SEMA3A: variants seen among roughly 807,000 people sequenced by gnomAD.
SEMA3A encodes the protein semaphorin-3A.
A neutral mutation model predicts 97.9 loss-of-function variants in SEMA3A; 29 were observed. The ratio of observed to expected loss-of-function variants is 0.30; its 90% CI spans 0.22 to 0.40. The LOEUF is 0.40. SEMA3A is among the 10% of genes least tolerant of loss of function. The probability of loss-of-function intolerance (pLI) is 1.00; values close to 1 mark genes in which losing one functional copy is unlikely to be tolerated. For synonymous variants in SEMA3A, 321 were observed against 323.7 expected (o/e 0.99, Z 0.09); for missense variants, 763 against 951.3 (o/e 0.80, Z 2.60).
At chr7:84,203,546 T>TTTTTTTTTTTC (rs1554345526) in intron 3 of SEMA3A, among the ~76,000 whole-genome samples, 1 of 131,522 alleles carries the variant, frequency 7.6e-6, no homozygotes, top group African/African-American at 2.8e-5. Flanking sequence ...TTTTTTTTTT[T>TTTTTTTTTTTC]CTGAGATAGA....
chr7:84,423,913 C>G (rs534659417), intron 1 of SEMA3A, among the ~76,000 whole-genome samples: 182 of 151,972 alleles, frequency 1.2e-3, no homozygotes, highest in African/African-American at 4.2e-3. Context: ...CACTAATTAT[C>G]AGGGGAATGC....
intron 3 of SEMA3A, among the ~76,000 whole-genome samples, chr7:84,249,416 T>TATCTATCTATCTATCA (rs1169332667): frequency 6.6e-6 from 1 of 150,888 alleles, no homozygotes; most frequent in Admixed American, 6.6e-5. Context: ...TCTATCTATC[T>TATCTATCTATCTATCA]ATCATCTACA....
At chr7:84,106,525 G>A (rs1451414723) in intron 4 of SEMA3A, among the ~76,000 whole-genome samples, 4 of 152,094 alleles carry the variant, frequency 2.6e-5, no homozygotes, top group African/African-American at 4.8e-5. Flanking sequence ...GTTAAACAAC[G>A]CATGACTGTA....
At chr7:84,077,575 C>A (rs950101273) in intron 4 of SEMA3A, among the ~76,000 whole-genome samples, 17 of 151,874 alleles carry the variant, frequency 1.1e-4, no homozygotes, top group Admixed American at 9.8e-4. Flanking sequence ...TTATTTATAC[C>A]AAACTTTGTT....
rs1257142892 is a variant in SEMA3A at position 83,959,953 on chromosome 7, A to G, written c.*1418T>C. The stretch of plus-strand genomic sequence containing the variant: ...TGTTGCAGGAAACAAAGAATTTTAC[A>G]TTGTTTAAATGTGGGTTGCATCCTG... On this transcript the variant is annotated 3_prime_UTR_variant, in exon 17 of 17. Coordinates refer to ENST00000265362, the MANE Select transcript of SEMA3A (RefSeq NM_006080.3). The G allele has an allele frequency of 1.3e-5, 2 of 152,078 alleles. No individual in the cohort carries two copies. The highest frequency in any genetic ancestry group is 2.4e-5 in the African/African-American group (1 of 41,448). 9.4% of individuals were successfully genotyped at this position (152,078 alleles called of 1,614,324 possible). A position where few individuals can be genotyped will look rare whatever the true frequency, so the allele number is the denominator to read the frequency against.
chr7:84,062,251 T>C (rs1422810525), intron 4 of SEMA3A, among the ~76,000 whole-genome samples: 8 of 152,216 alleles, frequency 5.3e-5, no homozygotes, highest in African/African-American at 9.6e-5. Flanking sequence ...GAGATGTTTA[T>C]ATACATCACT....
At position 84,288,500 on chromosome 7, in the gene SEMA3A, C is replaced by T. The variant is rs76666255; in HGVS notation, c.-83+18707G>A. Among the ~76,000 whole-genome samples, 843 of 152,216 alleles carry T rather than the reference C, an allele frequency of 5.5e-3. 32 individuals are homozygous for T. In the East Asian group the frequency reaches 0.1, roughly 19 times the overall value. ...ATCACTTGAGGTCAGGAGTTCAAGA[C>T]CAGCCTGGCCAACATGGCGAAATCC... On this transcript the variant is annotated intron_variant, in intron 3 of 3. Coordinates refer to the SEMA3A transcript ENST00000424555.
intron 3 of SEMA3A, among the ~76,000 whole-genome samples, chr7:84,231,218 G>T (rs1035243551): frequency 2.6e-5 from 4 of 151,908 alleles, no homozygotes; most frequent in Non-Finnish European, 5.9e-5. Flanking sequence ...TTATCCTGTG[G>T]CCTTCTGACT....
At chr7:84,197,207 T>C (rs79416076), upstream of SEMA3A, among the ~76,000 whole-genome samples, 1,677 of 152,304 alleles carry the variant, frequency 0.011, 55 homozygotes, top group East Asian at 0.14. Context: ...TTTTATAAAC[T>C]ATGATATGAT....
chr7:84,296,547 G>A (rs1402658913), intron 3 of SEMA3A, among the ~76,000 whole-genome samples: 1 of 152,100 alleles, frequency 6.6e-6, no homozygotes, highest in African/African-American at 2.4e-5. Context: ...TTGCTTTACA[G>A]GGGCTTCTTT....
chr7:84,255,494 T>C (rs1409865550), intron 3 of SEMA3A, among the ~76,000 whole-genome samples: 1 of 152,072 alleles, frequency 6.6e-6, no homozygotes, highest in Non-Finnish European at 1.5e-5. Context: ...AACACATCTG[T>C]TACCCACAGC....
chr7:84,286,498 TA>T (rs1027708826), intron 3 of SEMA3A, among the ~76,000 whole-genome samples: 2 of 152,190 alleles, frequency 1.3e-5, no homozygotes, highest in African/African-American at 4.8e-5. Context: ...AAACCGTATT[TA>T]AAGCTCTCTG....
At chr7:84,357,958 C>T (rs112827404) in intron 2 of SEMA3A, among the ~76,000 whole-genome samples, 11 of 152,210 alleles carry the variant, frequency 7.2e-5, no homozygotes, top group African/African-American at 2.4e-4. Context: ...CTGTTCATAT[C>T]CTTCACCCAC....
intron 1 of SEMA3A, among the ~76,000 whole-genome samples, chr7:84,412,108 C>T (rs576847465): frequency 2.0e-5 from 3 of 152,194 alleles, no homozygotes; most frequent in South Asian, 2.1e-4. Flanking sequence ...AAAATGAATG[C>T]CTTGATAAGG....
intron 1 of SEMA3A, among the ~76,000 whole-genome samples, chr7:84,391,854 T>A (rs1028894354): frequency 6.6e-6 from 1 of 151,596 alleles, no homozygotes; most frequent in African/African-American, 2.4e-5. Context: ...ATGCCTGTAG[T>A]CCCAGCTACT....
chr7:84,462,090 C>T (rs554194838), intron 1 of SEMA3A, among the ~76,000 whole-genome samples: 4 of 152,098 alleles, frequency 2.6e-5, no homozygotes, highest in East Asian at 1.9e-4. Context: ...TCTCTCTCTT[C>T]GTGAATATAT....
intron 5 of SEMA3A, among the ~76,000 whole-genome samples, chr7:84,057,394 A>G (rs1462328064): frequency 6.6e-6 from 1 of 152,164 alleles, no homozygotes; most frequent in Non-Finnish European, 1.5e-5. Context: ...TTAGCAGGTG[A>G]GTAATTGCTA....
intron 1 of SEMA3A, among the ~76,000 whole-genome samples, chr7:84,383,541 T>G (rs1803322106): frequency 1.3e-5 from 2 of 152,210 alleles, no homozygotes; most frequent in African/African-American, 2.4e-5. Context: ...AAGTAAGAAT[T>G]TAATCACTGA....
intron 5 of SEMA3A, among the ~76,000 whole-genome samples, chr7:84,051,691 A>T (rs1206096137): frequency 6.6e-6 from 1 of 152,116 alleles, no homozygotes; most frequent in African/African-American, 2.4e-5. Flanking sequence ...TCCTAATTGA[A>T]TACCCTTTAT....
Sources: gnomAD v4.1 joint callset for allele counts (sites outside exome capture counted in the v4.1 genomes callset) on GRCh38, gnomAD v4.1.1 for gene constraint, MANE v1.5 for transcripts, NCBI Gene and HGNC (gene_info 2026-07-23, HGNC 2026-07-21) for gene names.